The following CSNK2A2IP variants were observed in gnomAD, a reference collection of about 807,000 sequenced individuals.
CSNK2A2IP encodes the protein casein kinase 2 subunit alpha' interacting protein.
chr3:88,411,931 A>C, the CSNK2A2IP span, among the ~76,000 whole-genome samples: 2 of 151,774 alleles, frequency 1.3e-5, no homozygotes, highest in Non-Finnish European at 2.9e-5. Flanking sequence ...GTTTCTCTTT[A>C]CTTTTTAAAA....
the CSNK2A2IP span, among the ~76,000 whole-genome samples, chr3:88,393,911 G>A: frequency 1.9e-4 from 29 of 152,268 alleles, no homozygotes; most frequent in East Asian, 5.4e-3. Flanking sequence ...TTGGAGAGCT[G>A]AAATGACAGG....
At chr3:88,353,230 A>G in the CSNK2A2IP span, among the ~76,000 whole-genome samples, 4 of 152,184 alleles carry the variant, frequency 2.6e-5, no homozygotes, top group Admixed American at 2.6e-4. Flanking sequence ...TTATTCATTC[A>G]ACAAACTTGT....
At chr3:88,419,292 T>G in the CSNK2A2IP span, among the ~76,000 whole-genome samples, 1 of 152,156 alleles carries the variant, frequency 6.6e-6, no homozygotes, top group Non-Finnish European at 1.5e-5. Context: ...AAAGGGCACC[T>G]TTATTCCCTT....
the CSNK2A2IP span, among the ~76,000 whole-genome samples, chr3:88,342,895 C>A: frequency 1.3e-5 from 2 of 151,878 alleles, no homozygotes; most frequent in Non-Finnish European, 2.9e-5. Context: ...AGCCAATAGC[C>A]ACCAAGGGGC....
At chr3:88,360,614 A>T in the CSNK2A2IP span, among the ~76,000 whole-genome samples, 1 of 152,066 alleles carries the variant, frequency 6.6e-6, no homozygotes, top group South Asian at 2.1e-4. Context: ...TTTCTTATTC[A>T]TTCAGGTACT....
the CSNK2A2IP span, chr3:88,466,594 A>G: frequency 8.1e-7 from 1 of 1,231,626 alleles, no homozygotes; most frequent in Non-Finnish European, 1.0e-6. Context: ...AATTCCTTGG[A>G]CTTTAAAGTA....
chr3:88,414,775 A>T, the CSNK2A2IP span, among the ~76,000 whole-genome samples: 1 of 152,046 alleles, frequency 6.6e-6, no homozygotes, highest in African/African-American at 2.4e-5. Flanking sequence ...AGTAGACAGT[A>T]CAGTATATTA....
At chr3:88,404,036 C>G in the CSNK2A2IP span, among the ~76,000 whole-genome samples, 97 of 151,662 alleles carry the variant, frequency 6.4e-4, no homozygotes, top group Non-Finnish European at 1.3e-3. Flanking sequence ...TCTTGGTTTG[C>G]ATATAACTTG....
chr3:88,378,095 T>G, the CSNK2A2IP span, among the ~76,000 whole-genome samples: 2 of 151,920 alleles, frequency 1.3e-5, no homozygotes, highest in African/African-American at 2.4e-5. Context: ...TGCAAAACAG[T>G]TATAATTGTT....
the CSNK2A2IP span, among the ~76,000 whole-genome samples, chr3:88,389,533 T>C: frequency 1.1e-4 from 16 of 152,108 alleles, no homozygotes; most frequent in Non-Finnish European, 1.5e-5. Context: ...CTTGTTGATA[T>C]AGGAAATGAG....
the CSNK2A2IP span, among the ~76,000 whole-genome samples, chr3:88,411,288 T>G: frequency 6.6e-6 from 1 of 151,862 alleles, no homozygotes; most frequent in Non-Finnish European, 1.5e-5. Flanking sequence ...AATTGAGACA[T>G]TCTACAGTGT....
At chr3:88,399,389 G>T in the CSNK2A2IP span, among the ~76,000 whole-genome samples, 1 of 152,028 alleles carries the variant, frequency 6.6e-6, no homozygotes, top group Non-Finnish European at 1.5e-5. Flanking sequence ...GATTATCCAG[G>T]ATCAGTTGAA....
At chr3:88,387,720 C>G in the CSNK2A2IP span, among the ~76,000 whole-genome samples, 2 of 152,108 alleles carry the variant, frequency 1.3e-5, no homozygotes, top group African/African-American at 4.8e-5. Flanking sequence ...TCCAGATAAA[C>G]TGTAAACATA....
chr3:88,369,891 G>A, the CSNK2A2IP span, among the ~76,000 whole-genome samples: 2 of 152,020 alleles, frequency 1.3e-5, no homozygotes, highest in Middle Eastern at 3.4e-3. Context: ...ACCACCAAAA[G>A]GGTGAGCCTT....
At chr3:88,424,976 G>A in the CSNK2A2IP span, among the ~76,000 whole-genome samples, 1 of 151,938 alleles carries the variant, frequency 6.6e-6, no homozygotes, top group African/African-American at 2.4e-5. Flanking sequence ...ACTCATGTTT[G>A]TTTAATTTCT....
chr3:88,428,902 A>G, the CSNK2A2IP span, among the ~76,000 whole-genome samples: 1 of 151,764 alleles, frequency 6.6e-6, no homozygotes, highest in African/African-American at 2.4e-5. Flanking sequence ...TATTTATAAT[A>G]TTTATGTGCA....
the CSNK2A2IP span, among the ~76,000 whole-genome samples, chr3:88,450,068 C>T: frequency 1.3e-5 from 2 of 151,290 alleles, no homozygotes; most frequent in Non-Finnish European, 2.9e-5. Context: ...AGGGTTTCAT[C>T]ATGTTGGCCA....
At chr3:88,343,220 T>A in the CSNK2A2IP span, 1 of 152,400 alleles carries the variant, frequency 6.6e-6, no homozygotes, top group South Asian at 2.1e-4. Flanking sequence ...CCAGATATTG[T>A]GTCCCTGTCT....
At chr3:88,370,598 T>TTCTTTCTC in the CSNK2A2IP span, among the ~76,000 whole-genome samples, 5 of 128,800 alleles carry the variant, frequency 3.9e-5, no homozygotes, top group Admixed American at 7.5e-5. Flanking sequence ...CTTTCTTTCT[T>TTCTTTCTC]TCTCTCTCTC....
Sources: gnomAD v4.1 joint callset for allele counts (sites outside exome capture counted in the v4.1 genomes callset) on GRCh38, gnomAD v4.1.1 for gene constraint, MANE v1.5 for transcripts, NCBI Gene and HGNC (gene_info 2026-07-23, HGNC 2026-07-21) for gene names.